Variants in APAF1 observed in about 807,000 individuals in gnomAD.
APAF1 encodes the protein apoptotic peptidase activating factor 1.
Under a neutral mutation model 152.4 loss-of-function variants are expected in APAF1, and 91 were observed. The ratio of observed to expected loss-of-function variants is 0.60; its 90% CI spans 0.50 to 0.71. The LOEUF (loss-of-function observed/expected upper bound fraction) is 0.71. Ranked by LOEUF, APAF1 falls within the 30% of genes least tolerant of loss-of-function variation. APAF1 has a pLI of 0.00. For missense variants in APAF1, 1,283 were observed against 1,472.0 expected, an observed-to-expected ratio of 0.87 and a Z score of 2.10; for synonymous variants, 484 against 494.1, an observed-to-expected ratio of 0.98 and a Z score of 0.27.
At chr12:98,690,745 C>A (rs1044222104) in intron 16 of APAF1, among the ~76,000 whole-genome samples, 1 of 152,164 alleles carries the variant, frequency 6.6e-6, no homozygotes, top group African/African-American at 2.4e-5. Context: ...CTATTCTAAT[C>A]CTTTTCTGCT....
chr12:98,654,841 AT>A (rs1186263397), intron 4 of APAF1, among the ~76,000 whole-genome samples: 2 of 84,142 alleles, frequency 2.4e-5, no homozygotes, highest in Non-Finnish European at 5.0e-5. Context: ...TTTTTAATTT[AT>A]TTTTTTATTG....
chr12:98,674,816 G>A (rs1184078634), intron 12 of APAF1, among the ~76,000 whole-genome samples: 1 of 152,118 alleles, frequency 6.6e-6, no homozygotes, highest in African/African-American at 2.4e-5. Flanking sequence ...ATAGTACTTA[G>A]AACAGCACCC....
In APAF1 at chr12:98,683,211, C is replaced by A. The variant is rs760249414; in HGVS notation, c.2115C>A (p.Cys705Ter). Residue 705 changes from cysteine (C) to a stop codon, truncating the protein, a stop_gained, in exon 15 of 27, where the codon TGC becomes TGA. Coordinates refer to ENST00000551964, the MANE Select transcript of APAF1 (RefSeq NM_181861.2). LOFTEE classifies it high-confidence loss of function. ...AGCACTCAGAGCAAGTCAATTGCTG[C>A]CATTTCACCAACAGTAGTCATCATC... ...YDEHSEQVNC[C>*]HFTNSSHHLL... The A allele has an allele frequency of 6.8e-6, 11 of 1,613,132 alleles. No individual in the cohort carries two copies. The Admixed American group carries it at 1.8e-4, about 27-fold the overall frequency.
intron 17 of APAF1, among the ~76,000 whole-genome samples, chr12:98,702,631 C>G (rs2097716798): frequency 6.6e-6 from 1 of 151,498 alleles, no homozygotes; most frequent in Non-Finnish European, 1.5e-5. Flanking sequence ...TCGAGACCAG[C>G]CTGACCAACA....
chr12:98,677,478 A>G lies in APAF1; in HGVS notation c.1847A>G (p.Asp616Gly). 6.2e-7 allele frequency: 1 copy of G among 1,614,160 alleles called. No individual in the cohort carries two copies. The highest frequency in any genetic ancestry group is 2.2e-5 in the East Asian group (1 of 44,880). The change falls in exon 13 of 27, where the codon GAT (aspartate) becomes GGT (glycine). Residue 616 changes from aspartate (D) to glycine (G), a missense_variant. Coordinates refer to ENST00000551964, the MANE Select transcript of APAF1 (RefSeq NM_181861.2). ...LSRLVVRPHT[D>G]AVYHACFSED... ...CGCTTAGTTGTCCGCCCCCACACAG[A>G]TGCTGTTTACCATGCCTGCTTTTCT... is the stretch of plus-strand genomic sequence containing the variant.
At chr12:98,647,675 G>A (rs1351995032) in intron 1 of APAF1, among the ~76,000 whole-genome samples, 3 of 143,916 alleles carry the variant, frequency 2.1e-5, no homozygotes, top group Admixed American at 7.0e-5. Context: ...CGGCCCCCAC[G>A]TTATGTGTTG....
chr12:98,719,289 G>A (rs1443494664), intron 22 of APAF1, among the ~76,000 whole-genome samples: 3 of 152,072 alleles, frequency 2.0e-5, no homozygotes, highest in African/African-American at 4.8e-5. Context: ...GGTATACTTA[G>A]TGCCTTCCAT....
chr12:98,682,348 C>T (rs888655790), intron 14 of APAF1, among the ~76,000 whole-genome samples: 11 of 151,946 alleles, frequency 7.2e-5, no homozygotes, highest in African/African-American at 1.7e-4. Flanking sequence ...CCACCGCGCC[C>T]GGCCTGATGA....
chr12:98,680,306 T>G lies in APAF1; in HGVS notation c.1950T>G (p.Leu650=), dbSNP rs1306625009. ...QVFKAETGEK[L]LEIKAHEDEV... ...TCAAAGCTGAAACAGGAGAGAAACTTCTAGAAATCAAGGCTCATGAGGATG... is the reference window on the plus strand; with the variant it reads ...TCAAAGCTGAAACAGGAGAGAAACTGCTAGAAATCAAGGCTCATGAGGATG... The change falls in exon 14 of 27, where the codon CTT becomes CTG. Residue 650 remains leucine (L), a synonymous_variant. Coordinates refer to ENST00000551964, the MANE Select transcript of APAF1 (RefSeq NM_181861.2). The G allele has an allele frequency of 2.5e-6, 4 of 1,611,744 alleles. No individual in the cohort carries two copies. Among genetic ancestry groups the G allele is most frequent in the Non-Finnish European group, 3.4e-6 (4 of 1,178,816 alleles).
intron 16 of APAF1, among the ~76,000 whole-genome samples, chr12:98,694,268 A>C (rs1435732365): frequency 2.6e-5 from 4 of 152,236 alleles, no homozygotes; most frequent in African/African-American, 7.2e-5. Context: ...ACAAACTTTG[A>C]CAAGTGGAAC....
intron 22 of APAF1, among the ~76,000 whole-genome samples, chr12:98,718,063 C>T (rs147222625): frequency 6.6e-6 from 1 of 152,226 alleles, no homozygotes; most frequent in Non-Finnish European, 1.5e-5. Flanking sequence ...TTAGTATGTA[C>T]ACCTTCCCTT....
intron 4 of APAF1, among the ~76,000 whole-genome samples, chr12:98,657,583 A>G (rs2097659342): frequency 6.6e-6 from 1 of 152,212 alleles, no homozygotes; most frequent in Admixed American, 6.5e-5. Context: ...AACTTCATTT[A>G]CATATAAGGT....
intron 10 of APAF1, among the ~76,000 whole-genome samples, chr12:98,669,562 A>G (rs746765668): frequency 1.3e-4 from 20 of 152,180 alleles, no homozygotes; most frequent in Non-Finnish European, 2.6e-4. Flanking sequence ...TTGAATGGTC[A>G]TCTTTTCATG....
chr12:98,686,293 C>T (rs879367064), intron 15 of APAF1, among the ~76,000 whole-genome samples: 34 of 152,220 alleles, frequency 2.2e-4, no homozygotes, highest in Admixed American at 7.2e-4. Context: ...ATGGAATGTG[C>T]CATATTTTGG....
intron 4 of APAF1, among the ~76,000 whole-genome samples, chr12:98,651,811 G>A (rs1429201775): frequency 6.6e-6 from 1 of 151,780 alleles, no homozygotes; most frequent in African/African-American, 2.4e-5. Flanking sequence ...ACGCCACCAT[G>A]CCTGGCTAAT....
chr12:98,703,274 A>AT, intron 17 of APAF1, 97 bp from the exon 18 acceptor site: 4 of 1,377,486 alleles, frequency 2.9e-6, no homozygotes, highest in Non-Finnish European at 4.1e-6. Context: ...TAATTGTCAT[A>AT]TTTTTTTCAG....
chr12:98,648,801 G>C lies in APAF1; in HGVS notation c.314G>C (p.Gly105Ala), dbSNP rs1189918216. 6.2e-7 allele frequency: 1 copy of C among 1,613,702 alleles called. No homozygotes were observed. The highest frequency in any genetic ancestry group is 2.2e-5 in the East Asian group (1 of 44,850). ...SSSSGKDSVS[G>A]ITSYVRTVLC... is the part of the protein sequence containing the mutation. ...TCCAGTGGTAAAGATTCAGTTAGTG[G>C]AATAACTTCGTATGGTTTGTATCCA... Residue 105 changes from glycine (G) to alanine (A), a missense_variant, in exon 3 of 27, where the codon GGA (glycine) becomes GCA (alanine). By Grantham distance (60) the Gly-to-Ala change is moderately conservative (BLOSUM62 0). Coordinates refer to ENST00000551964, the MANE Select transcript of APAF1 (RefSeq NM_181861.2).
chr12:98,652,372 A>T (rs1174613836), intron 4 of APAF1, among the ~76,000 whole-genome samples: 2 of 152,176 alleles, frequency 1.3e-5, no homozygotes, highest in Admixed American at 6.5e-5. Flanking sequence ...GGTTGGTATG[A>T]TCCAGCTTTG....
chr12:98,729,910 G>T lies in APAF1; in HGVS notation c.3601-2510G>T, dbSNP rs73378466. Among the ~76,000 whole-genome samples the T allele has an allele frequency of 5.8e-3, 884 of 152,262 alleles. 9 individuals carry two copies. The highest frequency in any genetic ancestry group is 0.02 in the African/African-American group (848 of 41,546). Reference sequence around the variant, plus strand: ...AGATAAACAAAAGGAGTAATTTCTAGTATTTGATAATACAGTAGGGAAATT... The same window carrying T: ...AGATAAACAAAAGGAGTAATTTCTATTATTTGATAATACAGTAGGGAAATT... On this transcript the variant is annotated intron_variant, in intron 26 of 26. Coordinates refer to ENST00000551964, the MANE Select transcript of APAF1 (RefSeq NM_181861.2).
Sources: allele counts gnomAD v4.1 joint callset (sites outside exome capture counted in the v4.1 genomes callset), GRCh38; gene constraint gnomAD v4.1.1; transcripts MANE v1.5; gene names NCBI Gene and HGNC (gene_info 2026-07-23, HGNC 2026-07-21).